AHCTF1: variants seen among roughly 807,000 people sequenced by gnomAD.
AHCTF1 encodes AT-hook containing transcription factor 1, also known as protein ELYS.
Under a neutral mutation model 248.4 loss-of-function variants are expected in AHCTF1, and 24 were observed. That is an observed-to-expected ratio of 0.10 (90% CI 0.07 to 0.14). The LOEUF is 0.14. AHCTF1 is among the 10% of genes least tolerant of loss of function. AHCTF1 has a pLI of 1.00. For synonymous variants in AHCTF1, 786 were observed against 929.8 expected (o/e 0.85, Z 2.81); for missense variants, 2,206 against 2,636.2 (o/e 0.84, Z 3.57).
At chr1:246,901,363 GCGGTGGCTCA>G (rs1664984835) in intron 8 of AHCTF1, among the ~76,000 whole-genome samples, 1 of 152,044 alleles carries the variant, frequency 6.6e-6, no homozygotes, top group Admixed American at 6.5e-5. Context: ...CAGGCCAGGT[GCGGTGGCTCA>G]CGCCTGTAAT....
rs936614850 is a variant in AHCTF1, at chr1:246,839,879, C to T, written c.*927G>A. On this transcript the variant is annotated 3_prime_UTR_variant, in exon 36 of 36. Transcript: ENST00000648844. ...GTTTTTCTCCTTTTCTACATCTACT[C>T]ACTCTCTCCCAACCTCAATAATCTG... The T allele has an allele frequency of 6.6e-6, 1 of 152,596 alleles. No homozygotes were observed. Among genetic ancestry groups the T allele is most frequent in the African/African-American group, 2.4e-5 (1 of 41,422 alleles). The allele number at this position is 152,596 out of a possible 1,614,324, so 9.5% of individuals were successfully genotyped here.
chr1:246,931,346 T>C (rs1279320879), intron 1 of AHCTF1: 1 of 1,542,320 alleles, frequency 6.5e-7, no homozygotes, highest in Non-Finnish European at 8.7e-7. Flanking sequence ...GCTCCTCCGG[T>C]CCGAGATTAT....
rs1407654821 is a variant in AHCTF1, at chr1:246,851,004, T to C, written c.5002A>G (p.Ile1668Val). The change falls in exon 33 of 36, where the codon ATT (isoleucine) becomes GTT (valine). Residue 1668 changes from isoleucine (I) to valine (V), a missense_variant. By Grantham distance (29) the Ile-to-Val change is conservative. Transcript: ENST00000648844. The stretch of plus-strand genomic sequence containing the variant: ...ATTACATCTAGTAAATTTTCTGCAA[T>C]TGCTACTTTAATAGGTTCAGGCACA... Reference protein sequence around the residue: ...PYVPEPIKVAIAENLLDVIKD... With the variant: ...PYVPEPIKVAVAENLLDVIKD... 4 of 1,614,028 alleles carry C rather than the reference T, an allele frequency of 2.5e-6. No homozygotes were observed. Among genetic ancestry groups the C allele is most frequent in the South Asian group, 2.2e-5 (2 of 91,082 alleles).
chr1:246,853,155 C>T lies in AHCTF1; in HGVS notation c.4499G>A (p.Ser1500Asn). 1.2e-6 allele frequency: 2 copies of T among 1,612,922 alleles called. No homozygotes were observed. Among genetic ancestry groups the T allele is most frequent in the Non-Finnish European group, 1.7e-6 (2 of 1,179,446 alleles). ...AAGCTTTTCTTCTGGTAAGTCAACA[C>T]TTTCTTTTAGTACACCAACTTCTAC... ...HEVEVGVLKE[S>N]VDLPEEKLPI... The change falls in exon 32 of 36, where the codon AGT (serine) becomes AAT (asparagine). Residue 1500 changes from serine (S) to asparagine (N), a missense_variant. Around this residue, in one of 6 missense-constraint regions of AHCTF1, gnomAD observed 955 missense variants for 1,055.6 expected, o/e 0.90. Transcript: ENST00000648844.
At chr1:246,875,143 C>G (rs1258154730) in intron 24 of AHCTF1, among the ~76,000 whole-genome samples, 2 of 152,214 alleles carry the variant, frequency 1.3e-5, no homozygotes, top group Non-Finnish European at 2.9e-5. Flanking sequence ...GACCTATATA[C>G]TGACATAGTA....
chr1:246,847,869 G>A (rs1660401181), intron 33 of AHCTF1, among the ~76,000 whole-genome samples: 1 of 152,094 alleles, frequency 6.6e-6, no homozygotes, highest in South Asian at 2.1e-4. Flanking sequence ...CAGGTCCTGA[G>A]GAGTGTATAA....
At chr1:246,920,142 CAAAAAAAAAAAAAAAAAAA>C (rs68194249) in intron 1 of AHCTF1, among the ~76,000 whole-genome samples, 36 of 40,808 alleles carry the variant, frequency 8.8e-4, no homozygotes, top group African/African-American at 3.0e-3. Context: ...CTGTCCCCCG[CAAAAAAAAAAAAAAAAAAA>C]AAAAAAAGAA....
rs1010698279 is a variant in AHCTF1, at chr1:246,876,936, A to C, written c.2937+14T>G. On this transcript the variant is annotated intron_variant, in intron 23 of 35. Coordinates refer to ENST00000648844, the MANE Select transcript of AHCTF1 (RefSeq NM_001323342.2). ...ATTCTCTTATCCCCCATAATAAGAC[A>C]ACTTTAATCGTACCATAACATTAAT... The C allele has an allele frequency of 1.9e-6, 3 of 1,610,790 alleles. No homozygotes were observed. The African/African-American group carries it at 4.0e-5, about 22-fold the overall frequency.
chr1:246,868,986 A>C (rs1442317949), intron 24 of AHCTF1, among the ~76,000 whole-genome samples: 1 of 142,846 alleles, frequency 7.0e-6, no homozygotes, highest in African/African-American at 2.7e-5. Flanking sequence ...CTGGGACTAC[A>C]GGCGCCCGCC....
At position 246,907,770 on chromosome 1, in the gene AHCTF1, A is replaced by G. The variant is rs543900599; in HGVS notation, c.557-12T>C. 11 of 1,600,972 alleles carry G rather than the reference A, an allele frequency of 6.9e-6. No homozygotes were observed. The highest frequency in any genetic ancestry group is 9.4e-6 in the Non-Finnish European group (11 of 1,174,290). ...TAGAACTTCAAGATCTAAAACCACA[A>G]ATTAGACAAATGAAGTTAAAAAACT... On this transcript the variant is annotated splice_polypyrimidine_tract_variant and intron_variant, in intron 4 of 35. Transcript: ENST00000648844.
At position 246,862,010 on chromosome 1, in the gene AHCTF1, T is replaced by G. The variant is rs757109050; in HGVS notation, c.3684A>C (p.Glu1228Asp). The stretch of plus-strand genomic sequence containing the variant: ...CTTCTTCCACAAATGAAATTCTAGT[T>G]TCTTTAAGTCGTTGAGGAGACCTTC... Reference protein sequence around the residue: ...SPGRSPQRLKETRISFVEEDV... With the variant: ...SPGRSPQRLKDTRISFVEEDV... The change falls in exon 28 of 36, where the codon GAA (glutamate) becomes GAC (aspartate). Residue 1228 changes from glutamate (E) to aspartate (D), a missense_variant. Glu to Asp is a conservative substitution (Grantham distance 45). Around this residue, in one of 6 missense-constraint regions of AHCTF1, gnomAD observed 955 missense variants for 1,055.6 expected, o/e 0.90. Transcript: ENST00000648844. The G allele has an allele frequency of 1.9e-6, 3 of 1,613,350 alleles. No individual in the cohort carries two copies. The highest frequency in any genetic ancestry group is 1.7e-6 in the Non-Finnish European group (2 of 1,179,758).
intron 6 of AHCTF1, among the ~76,000 whole-genome samples, chr1:246,905,282 G>C (rs937896596): frequency 2.0e-5 from 3 of 152,086 alleles, no homozygotes; most frequent in Non-Finnish European, 4.4e-5. Flanking sequence ...GGCAGATCAT[G>C]AGGTCAGGAG....
intron 24 of AHCTF1, 37 bp downstream of exon 24, chr1:246,876,000 T>C (rs750671480): frequency 6.5e-7 from 1 of 1,535,766 alleles, no homozygotes. Flanking sequence ...TCTTTTTTGA[T>C]CCAATAGATT....
chr1:246,869,058 A>G (rs572742989), intron 24 of AHCTF1, among the ~76,000 whole-genome samples: 7 of 150,798 alleles, frequency 4.6e-5, no homozygotes, highest in African/African-American at 9.8e-5. Flanking sequence ...GTTGGCCAGG[A>G]TGGTCTCGAT....
intron 35 of AHCTF1, among the ~76,000 whole-genome samples, chr1:246,842,290 T>TA (rs1659927569): frequency 6.6e-6 from 1 of 151,936 alleles, no homozygotes; most frequent in Admixed American, 6.6e-5. Flanking sequence ...GGATAAAAAT[T>TA]ACAGAACAAG....
intron 21 of AHCTF1, among the ~76,000 whole-genome samples, chr1:246,884,792 T>G (rs1663696313): frequency 6.6e-6 from 1 of 152,172 alleles, no homozygotes; most frequent in African/African-American, 2.4e-5. Context: ...AACCAGACAC[T>G]TCCTTAAGAT....
At chr1:246,844,788 A>G (rs949824845) in intron 33 of AHCTF1, among the ~76,000 whole-genome samples, 1 of 151,314 alleles carries the variant, frequency 6.6e-6, no homozygotes, top group Non-Finnish European at 1.5e-5. Context: ...AGGAATTAAA[A>G]GCATTTACCA....
chr1:246,899,622 G>T, intron 10 of AHCTF1, 110 bp from the exon 11 acceptor site: 2 of 687,908 alleles, frequency 2.9e-6, no homozygotes, highest in Non-Finnish European at 2.3e-6. Context: ...ATTATTACAT[G>T]TAATAAATCT....
At chr1:246,930,449 C>G (rs970579534) in intron 1 of AHCTF1, among the ~76,000 whole-genome samples, 1 of 152,130 alleles carries the variant, frequency 6.6e-6, no homozygotes, top group Non-Finnish European at 1.5e-5. Flanking sequence ...TAGCGCTTGG[C>G]ACACTTAAAA....
Sources: allele counts gnomAD v4.1 joint callset (sites outside exome capture counted in the v4.1 genomes callset), GRCh38; gene constraint gnomAD v4.1.1; regional missense constraint gnomAD v4.1.1; transcripts MANE v1.5; gene names NCBI Gene and HGNC (gene_info 2026-07-23, HGNC 2026-07-21).